The following SLC10A7 variants were observed in gnomAD, a reference collection of about 807,000 sequenced individuals.
SLC10A7 encodes the protein sodium/bile acid cotransporter 7.
SLC10A7 carries 29 observed loss-of-function variants against 43.2 expected under a neutral mutation model. The observed-to-expected ratio is 0.67, with a 90% CI of 0.50 to 0.92. The LOEUF (loss-of-function observed/expected upper bound fraction) is 0.92. Among genes scored for constraint, SLC10A7 ranks in the 40% least tolerant of loss-of-function variants. The pLI is 0.00. For synonymous variants in SLC10A7, 152 were observed against 144.8 expected (o/e 1.05, Z -0.35); for missense variants, 295 against 403.2 (o/e 0.73, Z 2.30).
At chr4:146,483,772 A>C (rs1262540017) in intron 4 of SLC10A7, among the ~76,000 whole-genome samples, 3 of 152,202 alleles carry the variant, frequency 2.0e-5, no homozygotes, top group African/African-American at 2.4e-5. Context: ...AAGTAAAATG[A>C]TAGAAGATAT....
In SLC10A7 at chr4:146,521,770, A is replaced by T. The variant is rs544563698; in HGVS notation, c.-53T>A. 1 of 1,423,796 alleles carries T rather than the reference A, an allele frequency of 7.0e-7. No individual in the cohort carries two copies. The highest frequency in any genetic ancestry group is 1.4e-5 in the African/African-American group (1 of 71,032). 88.2% of individuals were successfully genotyped at this position (1,423,796 alleles called of 1,614,324 possible). ...ATTTGTTTGGCTTTTTTTCTTTTCA[A>T]GCTCCGATCACCTAATCCTTGGAGC... On this transcript the variant is annotated 5_prime_UTR_variant, in exon 1 of 12. The change creates a new upstream start codon in the 5' untranslated region. Coordinates refer to ENST00000335472, the MANE Select transcript of SLC10A7 (RefSeq NM_001029998.6).
chr4:146,475,476 G>C (rs1733938817), intron 4 of SLC10A7, among the ~76,000 whole-genome samples: 1 of 152,108 alleles, frequency 6.6e-6, no homozygotes, highest in African/African-American at 2.4e-5. Context: ...AAGGATTCAT[G>C]AACTGATCAT....
At chr4:146,438,776 G>A (rs578040157) in intron 5 of SLC10A7, among the ~76,000 whole-genome samples, 1 of 151,816 alleles carries the variant, frequency 6.6e-6, no homozygotes, top group African/African-American at 2.4e-5. Context: ...TTAGTTTGGC[G>A]AATTTGTTTT....
chr4:146,325,931 A>G (rs762899907), intron 6 of SLC10A7, 30 bp downstream of exon 6: 2 of 1,585,806 alleles, frequency 1.3e-6, no homozygotes, highest in Non-Finnish European at 8.6e-7. Context: ...TTTTAATAAA[A>G]TATATTAAAG....
In SLC10A7 at chr4:146,455,227, G is replaced by A. The variant is rs559750718; in HGVS notation, c.397-12406C>T. Reference sequence around the variant, plus strand: ...TAACTACAATACAAGAAGATCAATGGTATCAAAGAGTTATGGCAGCACAGA... The same window carrying A: ...TAACTACAATACAAGAAGATCAATGATATCAAAGAGTTATGGCAGCACAGA... On this transcript the variant is annotated intron_variant, in intron 4 of 11. Transcript: ENST00000335472. Among the ~76,000 whole-genome samples the A allele has an allele frequency of 2.6e-5, 4 of 151,940 alleles. No homozygotes were observed. The South Asian group carries it at 8.3e-4, about 32-fold the overall frequency.
chr4:146,405,593 C>A (rs1017529685), intron 5 of SLC10A7, among the ~76,000 whole-genome samples: 1 of 152,054 alleles, frequency 6.6e-6, no homozygotes, highest in Non-Finnish European at 1.5e-5. Flanking sequence ...ACTATGAAGG[C>A]AATGAAGAAC....
chr4:146,383,379 G>A (rs1737770510), intron 5 of SLC10A7, among the ~76,000 whole-genome samples: 1 of 152,134 alleles, frequency 6.6e-6, no homozygotes, highest in Non-Finnish European at 1.5e-5. Context: ...GCTATGACAG[G>A]AAACATCCTC....
At chr4:146,436,347 G>C (rs992491499) in intron 5 of SLC10A7, among the ~76,000 whole-genome samples, 2 of 152,028 alleles carry the variant, frequency 1.3e-5, no homozygotes, top group African/African-American at 4.8e-5. Flanking sequence ...AACCCACATA[G>C]AGCTATCAGT....
intron 6 of SLC10A7, among the ~76,000 whole-genome samples, chr4:146,309,577 T>C (rs566414986): frequency 6.6e-6 from 1 of 152,220 alleles, no homozygotes; most frequent in South Asian, 2.1e-4. Context: ...GTACATAGGG[T>C]GTGCTCAATG....
At chr4:146,483,592 A>G (rs1465909117) in intron 4 of SLC10A7, among the ~76,000 whole-genome samples, 1 of 152,178 alleles carries the variant, frequency 6.6e-6, no homozygotes, top group African/African-American at 2.4e-5. Context: ...AACAAGTAAC[A>G]AAAGGTAATA....
intron 9 of SLC10A7, among the ~76,000 whole-genome samples, chr4:146,286,467 G>C (rs866417388): frequency 1.7e-4 from 24 of 143,154 alleles, no homozygotes; most frequent in Middle Eastern, 7.7e-3. Context: ...ACTGAGTTTG[G>C]AGTGGTGAGA....
chr4:146,290,063 G>A (rs866700180), intron 9 of SLC10A7, among the ~76,000 whole-genome samples: 2 of 148,706 alleles, frequency 1.3e-5, no homozygotes, highest in Non-Finnish European at 3.0e-5. Context: ...GGTGGCTCAC[G>A]CCTGTAATCC....
intron 5 of SLC10A7, among the ~76,000 whole-genome samples, chr4:146,355,280 A>G (rs1735491473): frequency 6.6e-6 from 1 of 152,208 alleles, no homozygotes; most frequent in African/African-American, 2.4e-5. Flanking sequence ...CAAAAAATAC[A>G]TGGAAAAATG....
At chr4:146,480,971 C>T (rs1315400864) in intron 4 of SLC10A7, among the ~76,000 whole-genome samples, 1 of 152,118 alleles carries the variant, frequency 6.6e-6, no homozygotes, top group East Asian at 1.9e-4. Flanking sequence ...GATGGCTGCA[C>T]AGAGAAGGGA....
At chr4:146,281,792 T>C (rs975397769) in intron 10 of SLC10A7, among the ~76,000 whole-genome samples, 3 of 152,142 alleles carry the variant, frequency 2.0e-5, no homozygotes, top group African/African-American at 7.2e-5. Context: ...ACTAACATAG[T>C]TATTAGTAAT....
chr4:146,297,512 C>T (rs188936603), intron 7 of SLC10A7, among the ~76,000 whole-genome samples: 111 of 152,112 alleles, frequency 7.3e-4, no homozygotes, highest in Non-Finnish European at 1.3e-3. Context: ...TATTTCCTTG[C>T]TTTTTATTTC....
intron 5 of SLC10A7, among the ~76,000 whole-genome samples, chr4:146,363,927 C>T (rs1351090905): frequency 6.6e-6 from 1 of 151,800 alleles, no homozygotes; most frequent in Non-Finnish European, 1.5e-5. Flanking sequence ...AATAACCTAA[C>T]AATGAATCGT....
chr4:146,491,989 G>A (rs530088294), intron 4 of SLC10A7, among the ~76,000 whole-genome samples: 3 of 152,078 alleles, frequency 2.0e-5, no homozygotes, highest in East Asian at 3.9e-4. Context: ...AGGCTGAGGC[G>A]GGCGGATCAC....
At chr4:146,487,552 T>C (rs1735032523) in intron 4 of SLC10A7, among the ~76,000 whole-genome samples, 1 of 152,220 alleles carries the variant, frequency 6.6e-6, no homozygotes, top group Non-Finnish European at 1.5e-5. Context: ...CTTACATGGC[T>C]GATTTATGGA....
Sources: gnomAD v4.1 joint callset for allele counts (sites outside exome capture counted in the v4.1 genomes callset) on GRCh38, gnomAD v4.1.1 for gene constraint, MANE v1.5 for transcripts, NCBI Gene and HGNC (gene_info 2026-07-23, HGNC 2026-07-21) for gene names.